Variants in SPTBN1 observed in about 807,000 individuals in gnomAD.
The protein encoded by SPTBN1 is spectrin beta, non-erythrocytic 1, also known as spectrin beta chain, non-erythrocytic 1.
A neutral mutation model predicts 266.4 loss-of-function variants in SPTBN1; 32 were observed. That is an observed-to-expected ratio of 0.12 (90% CI 0.09 to 0.16). The LOEUF is 0.16. Among genes scored for constraint, SPTBN1 ranks in the 10% least tolerant of loss-of-function variants. SPTBN1 has a pLI of 1.00. For missense variants in SPTBN1, 2,296 were observed against 3,067.1 expected, an observed-to-expected ratio of 0.75 and a Z score of 5.94; for synonymous variants, 1,336 against 1,162.2, an observed-to-expected ratio of 1.15 and a Z score of -3.04.
At chr2:54,497,559 T>C (rs573364910) in intron 1 of SPTBN1, among the ~76,000 whole-genome samples, 3 of 152,356 alleles carry the variant, frequency 2.0e-5, no homozygotes, top group African/African-American at 7.2e-5. Context: ...TGACTTGGTG[T>C]GTTAACCTTC....
intron 2 of SPTBN1, 91 bp from the exon 3 acceptor site, chr2:54,599,001 C>A (rs558162253): frequency 6.7e-7 from 1 of 1,491,222 alleles, no homozygotes; most frequent in South Asian, 1.3e-5. Flanking sequence ...TGCTGACCTT[C>A]CTCTGGCTGG....
chr2:54,640,674 T>G (rs1236094979), intron 18 of SPTBN1, among the ~76,000 whole-genome samples: 1 of 152,116 alleles, frequency 6.6e-6, no homozygotes, highest in African/African-American at 2.4e-5. Context: ...ACCTCAGCCT[T>G]CCAAGTAGCT....
At chr2:54,581,937 C>T (rs1674941532) in intron 2 of SPTBN1, among the ~76,000 whole-genome samples, 1 of 152,024 alleles carries the variant, frequency 6.6e-6, no homozygotes, top group Non-Finnish European at 1.5e-5. Context: ...ACAACAGGCA[C>T]TTCATTCTTC....
intron 30 of SPTBN1, 89 bp downstream of exon 30, chr2:54,658,135 G>A: frequency 6.7e-7 from 1 of 1,496,538 alleles, no homozygotes; most frequent in Non-Finnish European, 9.1e-7. Flanking sequence ...TCACACGATT[G>A]CTTGTTTTTG....
chr2:54,458,743 A>G (rs1371083363), intron 1 of SPTBN1, among the ~76,000 whole-genome samples: 1 of 152,198 alleles, frequency 6.6e-6, no homozygotes, highest in Non-Finnish European at 1.5e-5. Context: ...GGCAAATGGG[A>G]TATATTTCAA....
intron 1 of SPTBN1, among the ~76,000 whole-genome samples, chr2:54,502,340 C>G (rs1669318480): frequency 6.6e-6 from 1 of 152,130 alleles, no homozygotes; most frequent in Non-Finnish European, 1.5e-5. Flanking sequence ...CAATTTAGTG[C>G]TGTGGGGATG....
intron 2 of SPTBN1, among the ~76,000 whole-genome samples, chr2:54,575,481 A>G (rs1035896313): frequency 6.6e-6 from 1 of 152,266 alleles, no homozygotes; most frequent in Admixed American, 6.5e-5. Context: ...GCATATCTCG[A>G]AGGACAAAAC....
intron 2 of SPTBN1, among the ~76,000 whole-genome samples, chr2:54,544,666 T>TA (rs1157391502): frequency 5.9e-5 from 9 of 152,336 alleles, no homozygotes; most frequent in South Asian, 2.1e-4. Context: ...ATCAAAAAGA[T>TA]ATGGCAATAT....
chr2:54,497,085 A>G (rs1158484625), intron 1 of SPTBN1, among the ~76,000 whole-genome samples: 1 of 152,222 alleles, frequency 6.6e-6, no homozygotes, highest in Non-Finnish European at 1.5e-5. Context: ...ACATGAAGAT[A>G]CGAAATCTGC....
intron 17 of SPTBN1, among the ~76,000 whole-genome samples, chr2:54,633,467 G>A (rs879782281): frequency 4.0e-5 from 6 of 151,484 alleles, no homozygotes; most frequent in East Asian, 1.9e-4. Context: ...TTTCCTCCCC[G>A]GCTGGAGGCC....
rs370382148 is a variant in SPTBN1 at position 54,616,209 on chromosome 2, C to T, written c.477C>T (p.Ile159=). 24 of 1,612,906 alleles carry T rather than the reference C, an allele frequency of 1.5e-5. No homozygotes were observed. In the African/African-American group the frequency reaches 2.7e-4, roughly 18 times the overall value. ...TAATATTTCTTTGTAAATCTTAGAT[C>T]CAGGATATCAGTGTGGAAACTGAAG... is the stretch of plus-strand genomic sequence containing the variant. ...LIWTIILRFQ[I]QDISVETEDN... The change falls in exon 5 of 36, where the codon ATC becomes ATT. Residue 159 remains isoleucine, a splice_region_variant and synonymous_variant. Coordinates refer to ENST00000356805, the MANE Select transcript of SPTBN1 (RefSeq NM_003128.3).
chr2:54,567,567 A>G (rs1673748666), intron 2 of SPTBN1, among the ~76,000 whole-genome samples: 1 of 152,038 alleles, frequency 6.6e-6, no homozygotes, highest in Non-Finnish European at 1.5e-5. Context: ...ATTTAATTTT[A>G]TTATTTTTAT....
intron 1 of SPTBN1, among the ~76,000 whole-genome samples, chr2:54,469,406 G>C (rs534113791): frequency 1.3e-5 from 2 of 152,258 alleles, no homozygotes; most frequent in South Asian, 4.2e-4. Flanking sequence ...GTCAGTGTTG[G>C]CCCTTTTCAC....
intron 2 of SPTBN1, 52 bp from the exon 3 acceptor site, chr2:54,599,040 G>A: frequency 6.3e-7 from 1 of 1,596,268 alleles, no homozygotes; most frequent in Non-Finnish European, 8.5e-7. Context: ...GCATGTGCCT[G>A]CTCCTGCCAG....
chr2:54,617,560 T>C (rs1172314238), intron 5 of SPTBN1, 48 bp from the exon 6 acceptor site: 2 of 1,585,848 alleles, frequency 1.3e-6, no homozygotes, highest in Non-Finnish European at 1.7e-6. Context: ...AGTATAAACC[T>C]CCATGTGGTA....
Position 54,628,294 on chromosome 2 carries a change from A to G in SPTBN1, c.1798+44A>G. 1 of 1,558,184 alleles carries G rather than the reference A, an allele frequency of 6.4e-7. No homozygotes were observed. Among genetic ancestry groups the G allele is most frequent in the Admixed American group, 1.9e-5 (1 of 52,580 alleles). Reference sequence around the variant, plus strand: ...AAGCATTACCTCCGGGTCACCAGAGATTCATATTTATAGAAACACAGTGGG... The same window carrying G: ...AAGCATTACCTCCGGGTCACCAGAGGTTCATATTTATAGAAACACAGTGGG... On this transcript the variant is annotated intron_variant, in intron 13 of 35. Transcript: ENST00000356805. This position sits in a 1 kb window ranked among gnomAD's most constrained non-coding sequence, Gnocchi z 4.3.
intron 4 of SPTBN1, among the ~76,000 whole-genome samples, chr2:54,612,898 T>A (rs1246851523): frequency 6.6e-6 from 1 of 152,104 alleles, no homozygotes; most frequent in Non-Finnish European, 1.5e-5. Context: ...GCTTTATGGG[T>A]TTTGTTATAC....
chr2:54,623,637 G>C, intron 10 of SPTBN1, 41 bp downstream of exon 10: 1 of 1,514,578 alleles, frequency 6.6e-7, no homozygotes, highest in African/African-American at 1.4e-5. Flanking sequence ...TGACCTCCTG[G>C]AGGCTTCAGG....
Position 54,649,700 on chromosome 2 carries a change from A to G in SPTBN1, c.5288A>G (p.Asp1763Gly). 1 of 1,614,172 alleles carries G rather than the reference A, an allele frequency of 6.2e-7. No homozygotes were observed. The highest frequency in any genetic ancestry group is 8.5e-7 in the Non-Finnish European group (1 of 1,180,026). ...ERVDTVNHLADELINSGHSDA... is the reference protein window; with the variant it reads ...ERVDTVNHLAGELINSGHSDA... ...GTGGACACGGTCAATCACCTGGCAG[A>G]TGAGCTCATCAACTCTGGACATTCA... Residue 1763 changes from aspartate (D) to glycine (G), a missense_variant, in exon 26 of 36, where the codon GAT becomes GGT. By Grantham distance (94) the Asp-to-Gly change is moderately conservative. This residue lies in a region of SPTBN1 where 644 missense variants were observed against 745.3 expected (regional missense o/e 0.86). Transcript: ENST00000356805. The surrounding 1 kb of genome is among the most constrained non-coding windows in gnomAD (Gnocchi z 6.7).
Sources: allele counts gnomAD v4.1 joint callset (sites outside exome capture counted in the v4.1 genomes callset), GRCh38; gene constraint gnomAD v4.1.1; regional missense constraint gnomAD v4.1.1; non-coding constraint Gnocchi (gnomAD v3.1); transcripts MANE v1.5; gene names NCBI Gene and HGNC (gene_info 2026-07-23, HGNC 2026-07-21).